Variants in TMEM196 observed in about 807,000 individuals in gnomAD.
TMEM196 encodes transmembrane protein 196.
A neutral mutation model predicts 20.0 loss-of-function variants in TMEM196; 17 were observed. The observed-to-expected ratio is 0.85, with a 90% confidence interval of 0.58 to 1.27. The LOEUF is 1.27. TMEM196 is among the 50% of genes most tolerant of loss of function. The pLI, the probability that TMEM196 is intolerant of heterozygous loss-of-function variation, is 0.00. For synonymous variants in TMEM196, 113 were observed against 88.9 expected (o/e 1.27, Z -1.52); for missense variants, 267 against 223.0 (o/e 1.20, Z -1.26).
rs546086278 is a variant in TMEM196 at position 19,732,700 on chromosome 7, T to A, written c.148-3262A>T. Among the ~76,000 whole-genome samples the A allele has an allele frequency of 9.2e-5, 14 of 151,648 alleles. No homozygotes were observed. In the East Asian group the frequency reaches 2.7e-3, roughly 29 times the overall value. On this transcript the variant is annotated intron_variant, in intron 1 of 4. Transcript: ENST00000405844. ...CTAGAAGTGTTCAATGAATACCTAC[T>A]CACCTACAACTGCAAGACCATTGTT... is the stretch of plus-strand genomic sequence containing the variant.
intron 1 of TMEM196, among the ~76,000 whole-genome samples, chr7:19,754,994 G>C (rs1338050349): frequency 6.6e-6 from 1 of 152,148 alleles, no homozygotes; most frequent in African/African-American, 2.4e-5. Flanking sequence ...GAGACTAATG[G>C]TAATATCACG....
chr7:19,743,512 G>T (rs191554136), intron 1 of TMEM196, among the ~76,000 whole-genome samples: 10 of 152,212 alleles, frequency 6.6e-5, no homozygotes, highest in South Asian at 2.1e-4. Context: ...TTTGGATCAG[G>T]TATAAAAGTA....
Position 19,721,930 on chromosome 7 carries a change from G to C in TMEM196, c.*198C>G, listed in dbSNP as rs1783826666. ...TAAAAAAGGGTGGAGAAACCAGTGA[G>C]GCAATATATTTTTTAGGAAGAATAA... On this transcript the variant is annotated 3_prime_UTR_variant, in exon 5 of 5. Transcript: ENST00000405844. 1.5e-6 allele frequency: 1 copy of C among 688,378 alleles called. No homozygotes were observed. The highest frequency in any genetic ancestry group is 2.4e-6 in the Non-Finnish European group (1 of 422,850). The allele number at this position is 688,378 out of a possible 1,614,324, so 42.6% of individuals were successfully genotyped here. A position where few individuals can be genotyped will look rare whatever the true frequency, so the allele number is the denominator to read the frequency against.
chr7:19,765,718 A>G (rs1347985572), intron 1 of TMEM196, among the ~76,000 whole-genome samples: 1 of 152,148 alleles, frequency 6.6e-6, no homozygotes, highest in Non-Finnish European at 1.5e-5. Context: ...AGAAAAACAA[A>G]AGAAGAGGTG....
Position 19,720,175 on chromosome 7 carries a change from G to A in TMEM196, c.*1953C>T, listed in dbSNP as rs1039986604. ...TTATGATGTTGATTCACTATATGAG[G>A]TTGCATTTATGGACAACTTCTGTAA... On this transcript the variant is annotated 3_prime_UTR_variant, in exon 5 of 5. Transcript: ENST00000405844. 2.0e-5 allele frequency: 3 copies of A among 151,944 alleles called. No homozygotes were observed. The highest frequency in any genetic ancestry group is 7.2e-5 in the African/African-American group (3 of 41,426). 9.4% of individuals were successfully genotyped at this position (151,944 alleles called of 1,614,324 possible). A position where few individuals can be genotyped will look rare whatever the true frequency, so the allele number is the denominator to read the frequency against.
intron 2 of TMEM196, among the ~76,000 whole-genome samples, chr7:19,727,975 A>G (rs1281531965): frequency 6.6e-6 from 1 of 152,106 alleles, no homozygotes; most frequent in Non-Finnish European, 1.5e-5. Context: ...AATGCCATCA[A>G]TGGGGACCTT....
Position 19,729,421 on chromosome 7 carries a change from A to G in TMEM196, c.165T>C (p.Ile55=). 6.4e-7 allele frequency: 1 copy of G among 1,550,952 alleles called. No homozygotes were observed. The change falls in exon 2 of 5, where the codon ATT becomes ATC. Residue 55 remains isoleucine (I), a synonymous_variant. Transcript: ENST00000405844. ...TTTTTTTGGCACACAATATTCCACA[A>G]ATGCCACAAAGAAGAAACTGAAAAG... ...GDSSPFLLCG[I]CGILCAKKKS...
intron 1 of TMEM196, among the ~76,000 whole-genome samples, chr7:19,754,579 G>C (rs1257478277): frequency 2.6e-5 from 4 of 152,154 alleles, no homozygotes; most frequent in African/African-American, 9.7e-5. Context: ...TGTTGCCAGA[G>C]TGCAGGTTTT....
intron 1 of TMEM196, among the ~76,000 whole-genome samples, chr7:19,738,333 GTAT>G (rs1311402688): frequency 2.0e-5 from 3 of 152,160 alleles, no homozygotes; most frequent in African/African-American, 7.2e-5. Flanking sequence ...GTAGGTATCA[GTAT>G]TAAGCAATTT....
intron 1 of TMEM196, among the ~76,000 whole-genome samples, chr7:19,731,819 G>A (rs1478857348): frequency 2.0e-5 from 3 of 152,184 alleles, no homozygotes; most frequent in African/African-American, 7.2e-5. Context: ...GGAAGGGAGA[G>A]TAGGGGAGGA....
chr7:19,744,594 A>C (rs971447598), intron 1 of TMEM196, among the ~76,000 whole-genome samples: 1 of 152,178 alleles, frequency 6.6e-6, no homozygotes, highest in Non-Finnish European at 1.5e-5. Flanking sequence ...CACTCTATCA[A>C]TATCCCTTAG....
chr7:19,736,553 T>A (rs190424876), intron 1 of TMEM196, among the ~76,000 whole-genome samples: 163 of 151,658 alleles, frequency 1.1e-3, no homozygotes, highest in African/African-American at 3.8e-3. Flanking sequence ...CAGACATCAT[T>A]ATTTTTAAAT....
intron 1 of TMEM196, among the ~76,000 whole-genome samples, chr7:19,744,530 T>G (rs1489907005): frequency 1.1e-4 from 17 of 152,004 alleles, no homozygotes; most frequent in Non-Finnish European, 1.5e-5. Context: ...AGAAATAATT[T>G]GGGAGCATAA....
chr7:19,756,431 G>C (rs534978368), intron 1 of TMEM196, among the ~76,000 whole-genome samples: 48 of 151,892 alleles, frequency 3.2e-4, no homozygotes, highest in African/African-American at 9.2e-4. Context: ...GTAAACTTGT[G>C]TCATGGTGGT....
intron 1 of TMEM196, among the ~76,000 whole-genome samples, chr7:19,758,351 T>C (rs1045945560): frequency 2.6e-5 from 4 of 152,216 alleles, no homozygotes; most frequent in South Asian, 4.1e-4. Flanking sequence ...CTGAAATCTG[T>C]TAACATACTA....
chr7:19,772,764 A>G lies in TMEM196; in HGVS notation c.-68T>C, dbSNP rs1173406326. 2.2e-6 allele frequency: 3 copies of G among 1,392,674 alleles called. No homozygotes were observed. The highest frequency in any genetic ancestry group is 1.6e-5 in the South Asian group (1 of 62,744). The allele number at this position is 1,392,674 out of a possible 1,614,324, so 86.3% of individuals were successfully genotyped here. A position where few individuals can be genotyped will look rare whatever the true frequency, so the allele number is the denominator to read the frequency against. ...ACCATCTACCTTTTTTTCTTCCACT[A>G]TCCTCCTTACCCCTTCCACCCCCTA... is the stretch of plus-strand genomic sequence containing the variant. On this transcript the variant is annotated 5_prime_UTR_variant, in exon 1 of 5. Transcript: ENST00000405844.
intron 1 of TMEM196, among the ~76,000 whole-genome samples, chr7:19,766,300 A>G (rs956010770): frequency 1.3e-5 from 2 of 152,100 alleles, no homozygotes; most frequent in Non-Finnish European, 2.9e-5. Flanking sequence ...GTAGTCACAC[A>G]GTTTCTTCTC....
chr7:19,728,659 G>C (rs761687096), intron 2 of TMEM196, among the ~76,000 whole-genome samples: 1 of 152,110 alleles, frequency 6.6e-6, no homozygotes, highest in Non-Finnish European at 1.5e-5. Flanking sequence ...TTGCCAATTT[G>C]TGTCTATGTT....
At chr7:19,743,990 A>C (rs565433533) in intron 1 of TMEM196, among the ~76,000 whole-genome samples, 4 of 152,314 alleles carry the variant, frequency 2.6e-5, no homozygotes, top group South Asian at 4.1e-4. Context: ...ATTCTGGTAA[A>C]TGAATATGGA....
Sources: gnomAD v4.1 joint callset for allele counts (sites outside exome capture counted in the v4.1 genomes callset) on GRCh38, gnomAD v4.1.1 for gene constraint, MANE v1.5 for transcripts, NCBI Gene and HGNC (gene_info 2026-07-23, HGNC 2026-07-21) for gene names.